Variants in POLG2 observed in about 807,000 individuals in gnomAD.
POLG2 encodes DNA polymerase gamma 2, accessory subunit.
In POLG2, 50 loss-of-function variants were observed where a neutral mutation model predicts 56.5. The observed-to-expected ratio is 0.88, with a 90% confidence interval of 0.71 to 1.12. The LOEUF is 1.12. POLG2 is among the 50% of genes most tolerant of loss of function. The pLI, the probability that POLG2 is intolerant of heterozygous loss-of-function variation, is 0.00. For synonymous variants in POLG2, 226 were observed against 222.6 expected (o/e 1.02, Z -0.14); for missense variants, 584 against 583.3 (o/e 1.00, Z -0.01).
rs2038158587 is a variant in POLG2 at position 64,496,693 on chromosome 17, C to A, written c.276G>T (p.Leu92=). 7.4e-6 allele frequency: 12 copies of A among 1,614,090 alleles called. No homozygotes were observed. The highest frequency in any genetic ancestry group is 1.0e-5 in the Non-Finnish European group (12 of 1,180,010). The part of the protein sequence containing the change: ...SKQQLSRDSL[L]SGCHPGFGPL... ...GTCCGAAGCCGGGGTGGCACCCACT[C>A]AGAAGAGAATCCCGGCTAAGCTGCT... The change falls in exon 1 of 8, where the codon CTG becomes CTT. Residue 92 remains leucine (L), a synonymous_variant. Transcript: ENST00000539111.
intron 3 of POLG2, chr17:64,491,655 T>G: frequency 7.2e-7 from 1 of 1,389,340 alleles, no homozygotes; most frequent in Non-Finnish European, 1.0e-6. Flanking sequence ...TTACTACTGG[T>G]ACTACAACAA....
Position 64,496,826 on chromosome 17 carries a change from G to A in POLG2, c.143C>T (p.Ala48Val), listed in dbSNP as rs1555669646. The change falls in exon 1 of 8, where the codon GCG (alanine) becomes GTG (valine). Residue 48 changes from alanine (A) to valine (V), a missense_variant. Physicochemically the swap from Ala to Val is moderately conservative, Grantham distance 64. Coordinates refer to ENST00000539111, the MANE Select transcript of POLG2 (RefSeq NM_007215.4). The stretch of plus-strand genomic sequence containing the variant: ...GTGCTCGCCGTTCCCCTCGAGCTCC[G>A]CGTGCGACTTCACATGCCCTCCTTT... ...SPKGGHVKSH[A>V]ELEGNGEHPE... is the part of the protein sequence containing the mutation. 1.2e-6 allele frequency: 2 copies of A among 1,613,744 alleles called. No homozygotes were observed. Among genetic ancestry groups the A allele is most frequent in the Non-Finnish European group, 1.7e-6 (2 of 1,180,022 alleles).
At chr17:64,488,901 C>T (rs567040246) in intron 4 of POLG2, among the ~76,000 whole-genome samples, 7 of 151,800 alleles carry the variant, frequency 4.6e-5, no homozygotes, top group East Asian at 1.9e-4. Context: ...CTGGGAATCG[C>T]GACACTGCAC....
At chr17:64,482,025 C>T (rs1286246308) in intron 6 of POLG2, among the ~76,000 whole-genome samples, 1 of 151,588 alleles carries the variant, frequency 6.6e-6, no homozygotes, top group South Asian at 2.1e-4. Flanking sequence ...GAACTGTATT[C>T]AGCTTCTTTA....
At chr17:64,483,173 C>A (rs902351759) in intron 5 of POLG2, among the ~76,000 whole-genome samples, 174 bp from the exon 6 acceptor site, 1 of 152,150 alleles carries the variant, frequency 6.6e-6, no homozygotes, top group Non-Finnish European at 1.5e-5. Flanking sequence ...CATGTAGTAA[C>A]ATATTCAGCT....
chr17:64,496,309 A>G (rs1268079641), intron 1 of POLG2, 98 bp downstream of exon 1: 3 of 751,756 alleles, frequency 4.0e-6, no homozygotes, highest in African/African-American at 3.5e-5. Context: ...ACTTCCTTGC[A>G]TGGGAATACA....
chr17:64,491,498 A>C (rs1385216999), intron 3 of POLG2: 1 of 1,419,970 alleles, frequency 7.0e-7, no homozygotes, highest in Non-Finnish European at 9.8e-7. Flanking sequence ...CAAAAGAGTG[A>C]GACTATGTCT....
rs2037886411 is a variant in POLG2, at chr17:64,482,925, T to G, written c.1185A>C (p.Leu395=). 6.4e-7 allele frequency: 1 copy of G among 1,566,722 alleles called. No individual in the cohort carries two copies. Among genetic ancestry groups the G allele is most frequent in the Non-Finnish European group, 8.8e-7 (1 of 1,137,170 alleles). ...TTAAACTCATTTAACTCACCTGTCTTAGTTCCAATGTGGGGCCTCTTCCTA... is the reference window on the plus strand; with the variant it reads ...TTAAACTCATTTAACTCACCTGTCTGAGTTCCAATGTGGGGCCTCTTCCTA... ...LDVGRGPTLE[L]RQVCQGLFNE... The change falls in exon 6 of 8, where the codon CTA becomes CTC. Residue 395 remains leucine (L), a synonymous_variant. Transcript: ENST00000539111.
chr17:64,481,064 T>C (rs1166004632), intron 6 of POLG2, among the ~76,000 whole-genome samples: 1 of 152,192 alleles, frequency 6.6e-6, no homozygotes, highest in Admixed American at 6.5e-5. Flanking sequence ...AGAGCAGGGT[T>C]CCTCACCCTT....
At chr17:64,483,368 A>T (rs2037895412) in intron 5 of POLG2, among the ~76,000 whole-genome samples, 2 of 152,018 alleles carry the variant, frequency 1.3e-5, no homozygotes, top group Non-Finnish European at 2.9e-5. Context: ...ATACAAAAAA[A>T]TTAGCTAGGT....
intron 6 of POLG2, chr17:64,481,216 C>G: frequency 2.2e-6 from 2 of 922,694 alleles, no homozygotes; most frequent in Non-Finnish European, 2.6e-6. Flanking sequence ...AGCTTCCTAG[C>G]TTATAAGGGT....
At chr17:64,481,417 A>C (rs1420810210) in intron 6 of POLG2, 5 of 985,296 alleles carry the variant, frequency 5.1e-6, no homozygotes, top group African/African-American at 3.5e-5. Flanking sequence ...TCAATCACCC[A>C]GACAGAAATG....
intron 6 of POLG2, among the ~76,000 whole-genome samples, chr17:64,482,629 A>G (rs2037881227): frequency 6.6e-6 from 1 of 152,226 alleles, no homozygotes; most frequent in Non-Finnish European, 1.5e-5. Context: ...AAAACATTTT[A>G]AAAAGCAAAT....
chr17:64,477,894 T>C lies in POLG2; in HGVS notation c.1387A>G (p.Lys463Glu). The C allele has an allele frequency of 6.2e-7, 1 of 1,613,784 alleles. No individual in the cohort carries two copies. Among genetic ancestry groups the C allele is most frequent in the Non-Finnish European group, 8.5e-7 (1 of 1,179,874 alleles). ...IHLRSRDTTM[K>E]EMMHISKLKD... ...AATTTGGATATATGCATCATTTCCT[T>C]CATTGTGGTGTCTCTGCTTCTCAGA... The change falls in exon 8 of 8, where the codon AAG becomes GAG. Residue 463 changes from lysine to glutamate, a missense_variant. By Grantham distance (56) the Lys-to-Glu change is moderately conservative. Transcript: ENST00000539111.
rs1555665783 is a variant in POLG2 at position 64,477,830 on chromosome 17, T to C, written c.1451A>G (p.Asn484Ser). The change falls in exon 8 of 8, where the codon AAT becomes AGT. Residue 484 changes from asparagine to serine, a missense_variant. Asn to Ser is a conservative substitution (Grantham distance 46). Transcript: ENST00000539111. ...TTATACAAATATAAAAATCTATACATTCTTAGCTGATGATATATACTTAAT... is the reference window on the plus strand; with the variant it reads ...TTATACAAATATAAAAATCTATACACTCTTAGCTGATGATATATACTTAAT... ...FLIKYISSAK[N>S]V The C allele has an allele frequency of 6.3e-7, 1 of 1,589,868 alleles. No individual in the cohort carries two copies. The highest frequency in any genetic ancestry group is 1.2e-5 in the South Asian group (1 of 86,178).
At chr17:64,482,037 C>T (rs2037866242) in intron 6 of POLG2, among the ~76,000 whole-genome samples, 1 of 150,976 alleles carries the variant, frequency 6.6e-6, no homozygotes, top group South Asian at 2.1e-4. Context: ...GCTTCTTTAA[C>T]ACACTTCAAA....
chr17:64,484,895 G>A (rs2037925329), intron 5 of POLG2, among the ~76,000 whole-genome samples: 1 of 152,042 alleles, frequency 6.6e-6, no homozygotes, highest in Admixed American at 6.6e-5. Context: ...CTTTTGATTT[G>A]GGGCAGCTTC....
intron 4 of POLG2, chr17:64,487,129 TGTTA>T (rs1311957843): frequency 6.6e-6 from 1 of 152,160 alleles, no homozygotes; most frequent in Non-Finnish European, 1.5e-5. Context: ...CCTCAGCTTC[TGTTA>T]ATTATTCATG....
chr17:64,488,547 G>GA (rs1349127155), intron 4 of POLG2, among the ~76,000 whole-genome samples: 4 of 151,188 alleles, frequency 2.6e-5, no homozygotes, highest in African/African-American at 7.3e-5. Context: ...TCATACAAAA[G>GA]AAAAAAAAGA....
Sources: gnomAD v4.1 joint callset for allele counts (sites outside exome capture counted in the v4.1 genomes callset) on GRCh38, gnomAD v4.1.1 for gene constraint, MANE v1.5 for transcripts, NCBI Gene and HGNC (gene_info 2026-07-23, HGNC 2026-07-21) for gene names.